The following FNTB variants were observed in gnomAD, a reference collection of about 807,000 sequenced individuals.
The protein encoded by FNTB is protein farnesyltransferase subunit beta.
Under a neutral mutation model 59.4 loss-of-function variants are expected in FNTB, and 27 were observed. The ratio of observed to expected loss-of-function variants is 0.45; its 90% CI spans 0.34 to 0.63. The LOEUF (loss-of-function observed/expected upper bound fraction) is 0.63, where lower values mean the gene tolerates loss of function less well. Among genes scored for constraint, FNTB ranks in the 20% least tolerant of loss-of-function variants. The probability of loss-of-function intolerance (pLI) is 0.02; values close to 1 mark genes in which losing one functional copy is unlikely to be tolerated. For missense variants in FNTB, 449 were observed against 559.6 expected, an observed-to-expected ratio of 0.80 and a Z score of 1.99; for synonymous variants, 230 against 220.7, an observed-to-expected ratio of 1.04 and a Z score of -0.37.
Position 65,044,839 on chromosome 14 carries a change from A to ACTGAG in FNTB, c.955+396_955+397insCTGAG. Reference sequence around the variant, plus strand: ...GTGTTGCAACAGTCACTGTTGCAACAGCAACAGGAAAGGCAACTGCGTAAA... The same window carrying ACTGAG: ...GTGTTGCAACAGTCACTGTTGCAACACTGAGGCAACAGGAAAGGCAACTGCGTAAA... On this transcript the variant is annotated intron_variant, in intron 9 of 11. Transcript: ENST00000246166. The surrounding 1 kb of genome is among the most constrained non-coding windows in gnomAD (Gnocchi z 5.5). The ACTGAG allele has an allele frequency of 5.9e-6, 1 of 170,036 alleles. No individual in the cohort carries two copies. 10.5% of individuals were successfully genotyped at this position (170,036 alleles called of 1,614,324 possible). A position where few individuals can be genotyped will look rare whatever the true frequency, so the allele number is the denominator to read the frequency against.
In FNTB at chr14:65,030,953, G is replaced by A. The variant is rs757639048; in HGVS notation, c.606-1657G>A. 4.0e-5 allele frequency among the ~76,000 whole-genome samples: 6 copies of A among 151,760 alleles called. No homozygotes were observed. Among genetic ancestry groups the A allele is most frequent in the African/African-American group, 7.3e-5 (3 of 41,274 alleles). On this transcript the variant is annotated intron_variant, in intron 6 of 11. Coordinates refer to ENST00000246166, the MANE Select transcript of FNTB (RefSeq NM_002028.4). The surrounding 1 kb of genome is among the most constrained non-coding windows in gnomAD (Gnocchi z 4.5). ...CTCCCAAGTAGCTGGGATTACAGGC[G>A]TGTGCCACCATGCCCAGCTAATTTT...
chr14:65,008,186 TG>T (rs780110863), intron 2 of FNTB, among the ~76,000 whole-genome samples: 2 of 152,230 alleles, frequency 1.3e-5, no homozygotes, highest in Non-Finnish European at 2.9e-5. Flanking sequence ...GAGAGGCCCC[TG>T]GCTTTAGTGA....
intron 8 of FNTB, among the ~76,000 whole-genome samples, chr14:65,043,907 G>A (rs1457037038): frequency 4.0e-5 from 6 of 149,168 alleles, no homozygotes; most frequent in East Asian, 2.0e-4. Flanking sequence ...TAAACTCCCC[G>A]GAGCAGGGAA....
At chr14:65,025,415 G>A (rs1258136935) in intron 4 of FNTB, among the ~76,000 whole-genome samples, 19 of 152,184 alleles carry the variant, frequency 1.2e-4, no homozygotes, top group Admixed American at 1.2e-3. Flanking sequence ...CTTTGTTAGG[G>A]CATGAGCTTA....
chr14:65,058,807 C>T (rs1004517865), intron 11 of FNTB, among the ~76,000 whole-genome samples: 4 of 152,102 alleles, frequency 2.6e-5, no homozygotes, highest in African/African-American at 9.7e-5. Context: ...ATAGTAGAGG[C>T]AGTGTGTCTG....
At chr14:65,059,094 C>T (rs910959694) in intron 11 of FNTB, among the ~76,000 whole-genome samples, 1 of 152,142 alleles carries the variant, frequency 6.6e-6, no homozygotes, top group Non-Finnish European at 1.5e-5. Context: ...GTGATCATAG[C>T]TCACTGCAGC....
At position 65,030,722 on chromosome 14, in the gene FNTB, A is replaced by G. The variant is rs112148813; in HGVS notation, c.606-1888A>G. On this transcript the variant is annotated intron_variant, in intron 6 of 11. Transcript: ENST00000246166. The surrounding 1 kb of genome is among the most constrained non-coding windows in gnomAD (Gnocchi z 4.5). ...GCCACTGCACTGCAGCCTGGGCAACAAAGTGAGATCCTATCTTAAAAAAAA... is the reference window on the plus strand; with the variant it reads ...GCCACTGCACTGCAGCCTGGGCAACGAAGTGAGATCCTATCTTAAAAAAAA... 6.3e-3 allele frequency among the ~76,000 whole-genome samples: 965 copies of G among 152,180 alleles called. 17 individuals are homozygous for G. Among genetic ancestry groups the G allele is most frequent in the South Asian group, 0.044 (210 of 4,820 alleles).
chr14:64,994,905 G>A lies in FNTB; in HGVS notation c.144+7808G>A, dbSNP rs1394084417. Among the ~76,000 whole-genome samples the A allele has an allele frequency of 6.6e-6, 1 of 152,096 alleles. No individual in the cohort carries two copies. Among genetic ancestry groups the A allele is most frequent in the East Asian group, 1.9e-4 (1 of 5,204 alleles). On this transcript the variant is annotated intron_variant, in intron 1 of 11. Transcript: ENST00000246166. The surrounding 1 kb of genome is among the most constrained non-coding windows in gnomAD (Gnocchi z 4.2). ...AATAATAAATTAAACCTAGCTTACT[G>A]TAAATTATTTACTTCATGAACTTAA...
intron 7 of FNTB, 128 bp from the exon 8 acceptor site, chr14:65,040,662 T>C (rs188707904): frequency 1.7e-6 from 2 of 1,201,552 alleles, no homozygotes; most frequent in East Asian, 5.9e-5. Flanking sequence ...TTGGCATCTT[T>C]TCATTCATAG....
At chr14:65,013,651 G>C (rs1051891800) in intron 3 of FNTB, among the ~76,000 whole-genome samples, 4 of 152,146 alleles carry the variant, frequency 2.6e-5, no homozygotes, top group African/African-American at 9.7e-5. Context: ...AGGTTCAAGC[G>C]ATTCTCTTGC....
In FNTB at chr14:65,044,583, C is replaced by T. The variant is rs2062433110; in HGVS notation, c.955+140C>T. ...ATTTTGAGTGCCCAGTGTGGAACCT[C>T]ATGCCGTGGGGCATGCGAATGCAGA... On this transcript the variant is annotated intron_variant, in intron 9 of 11. Coordinates refer to ENST00000246166, the MANE Select transcript of FNTB (RefSeq NM_002028.4). This position sits in a 1 kb window ranked among gnomAD's most constrained non-coding sequence, Gnocchi z 5.5. The T allele has an allele frequency of 6.3e-6, 8 of 1,274,144 alleles. No individual in the cohort carries two copies. The highest frequency in any genetic ancestry group is 6.4e-5 in the Admixed American group (2 of 31,160). 78.9% of individuals were successfully genotyped at this position (1,274,144 alleles called of 1,614,324 possible).
At chr14:65,033,125 G>A (rs1012802190) in intron 7 of FNTB, among the ~76,000 whole-genome samples, 8 of 152,190 alleles carry the variant, frequency 5.3e-5, no homozygotes, top group Non-Finnish European at 1.0e-4. Flanking sequence ...CACGAGATGG[G>A]TAAGTGTGGT....
At position 65,021,854 on chromosome 14, in the gene FNTB, C is replaced by T. The variant is rs181599498; in HGVS notation, c.375-5599C>T. On this transcript the variant is annotated intron_variant, in intron 4 of 11. Transcript: ENST00000246166. ...AGAGATGGGGTTTCACCATGTTGGC[C>T]AGGCTGGTCTCAAACTCCTGGCCTT... The T allele has an allele frequency of 1.3e-4, 57 of 444,660 alleles. 2 individuals are homozygous for T. The highest frequency in any genetic ancestry group is 9.6e-4 in the African/African-American group (48 of 49,848). The allele number at this position is 444,660 out of a possible 1,614,324, so 27.5% of individuals were successfully genotyped here.
In FNTB at chr14:65,048,560, G is replaced by A. The variant is rs374043578; in HGVS notation, c.955+4117G>A. 2.0e-3 allele frequency among the ~76,000 whole-genome samples: 302 copies of A among 152,250 alleles called. 2 individuals are homozygous for A. Among genetic ancestry groups the A allele is most frequent in the African/African-American group, 7.0e-3 (289 of 41,546 alleles). On this transcript the variant is annotated intron_variant, in intron 9 of 11. Transcript: ENST00000246166. Reference sequence around the variant, plus strand: ...TGAGTAGAAGAAGGAATTACTATTAGTACCTTAAAATGCTGGACATGGTGG... The same window carrying A: ...TGAGTAGAAGAAGGAATTACTATTAATACCTTAAAATGCTGGACATGGTGG...
chr14:65,010,340 G>A (rs879616089), intron 2 of FNTB, among the ~76,000 whole-genome samples: 1 of 152,146 alleles, frequency 6.6e-6, no homozygotes, highest in African/African-American at 2.4e-5. Context: ...TGTCACTTGT[G>A]TGCAGACAAA....
intron 9 of FNTB, among the ~76,000 whole-genome samples, chr14:65,045,971 T>A (rs2062467746): frequency 6.6e-6 from 1 of 152,158 alleles, no homozygotes; most frequent in Non-Finnish European, 1.5e-5. Flanking sequence ...ATTCCCCAAG[T>A]CAAACATTTT....
chr14:65,042,431 C>CT (rs1272661791), intron 8 of FNTB, among the ~76,000 whole-genome samples: 1 of 152,188 alleles, frequency 6.6e-6, no homozygotes, highest in Admixed American at 6.5e-5. Context: ...ACCTAGAAGC[C>CT]TGGCATACAC....
chr14:65,000,838 A>AAAAAAAAAAAAAAAAAAAAAAAAAG lies in FNTB; in HGVS notation c.145-3408_145-3407insAAAAAAAAAAAAAAAAAAAAAGAAA, dbSNP rs778200008. Among the ~76,000 whole-genome samples the AAAAAAAAAAAAAAAAAAAAAAAAAG allele has an allele frequency of 9.5e-4, 110 of 116,060 alleles. 5 individuals are homozygous for AAAAAAAAAAAAAAAAAAAAAAAAAG. The highest frequency in any genetic ancestry group is 4.3e-3 in the Middle Eastern group (1 of 230). 76.1% of individuals were successfully genotyped at this position (116,060 alleles called of 152,430 possible). On this transcript the variant is annotated intron_variant, in intron 1 of 11. Transcript: ENST00000246166. ...CTCAAAAAAAAAAAAAAAAAAAAAA[A>AAAAAAAAAAAAAAAAAAAAAAAAAG]AAAGAATAGTTACCCAAAAAGCTGG...
Position 65,001,411 on chromosome 14 carries a change from GC to G in FNTB, c.145-2836del, listed in dbSNP as rs1367392361. On this transcript the variant is annotated intron_variant, in intron 1 of 11. Coordinates refer to ENST00000246166, the MANE Select transcript of FNTB (RefSeq NM_002028.4). This position sits in a 1 kb window ranked among gnomAD's most constrained non-coding sequence, Gnocchi z 5.5. ...CAGGAGCAGTAGGCCACACTATACA[GC>G]CTATGCGTGTGGTAGGCTATACCAC... Among the ~76,000 whole-genome samples the G allele has an allele frequency of 6.6e-6, 1 of 152,194 alleles. No homozygotes were observed. The highest frequency in any genetic ancestry group is 1.9e-4 in the East Asian group (1 of 5,198).
Sources: allele counts gnomAD v4.1 joint callset (sites outside exome capture counted in the v4.1 genomes callset), GRCh38; gene constraint gnomAD v4.1.1; non-coding constraint Gnocchi (gnomAD v3.1); transcripts MANE v1.5; gene names NCBI Gene and HGNC (gene_info 2026-07-23, HGNC 2026-07-21).